Variants in FCHSD2 observed in about 807,000 individuals in gnomAD.
The protein encoded by FCHSD2 is FCH and double SH3 domains 2, also known as F-BAR and double SH3 domains protein 2.
FCHSD2 carries 38 observed loss-of-function variants against 108.1 expected under a neutral mutation model. That is an observed-to-expected ratio of 0.35 (90% CI 0.27 to 0.46). The LOEUF is 0.46. FCHSD2 is among the 20% of genes least tolerant of loss of function. The probability of loss-of-function intolerance (pLI) is 1.00; values close to 1 mark genes in which losing one functional copy is unlikely to be tolerated. For missense variants in FCHSD2, 751 were observed against 897.8 expected (o/e 0.84, Z 2.09); for synonymous variants, 279 against 314.7 (o/e 0.89, Z 1.20).
chr11:73,018,533 T>G (rs1858024447), intron 3 of FCHSD2, among the ~76,000 whole-genome samples: 5 of 147,598 alleles, frequency 3.4e-5, no homozygotes, highest in Admixed American at 3.4e-4. Flanking sequence ...TTTTTTTTTT[T>G]AATCATTATA....
chr11:72,991,001 CAG>C (rs922202804), intron 5 of FCHSD2, among the ~76,000 whole-genome samples: 32 of 152,126 alleles, frequency 2.1e-4, no homozygotes, highest in African/African-American at 7.2e-4. Context: ...AAGAATCAAA[CAG>C]ACGCAATAAA....
At chr11:73,036,942 G>A (rs546525271) in intron 3 of FCHSD2, among the ~76,000 whole-genome samples, 5 of 152,232 alleles carry the variant, frequency 3.3e-5, no homozygotes, top group South Asian at 2.1e-4. Context: ...CTGTTAACGC[G>A]GATCTGTAAT....
chr11:72,860,254 G>T (rs1861534725), intron 13 of FCHSD2, among the ~76,000 whole-genome samples: 1 of 152,146 alleles, frequency 6.6e-6, no homozygotes, highest in Non-Finnish European at 1.5e-5. Flanking sequence ...CAGTCTAGAA[G>T]ACTAGAACAA....
intron 3 of FCHSD2, among the ~76,000 whole-genome samples, chr11:73,016,520 C>A (rs1426853838): frequency 1.3e-5 from 2 of 152,152 alleles, no homozygotes; most frequent in African/African-American, 4.8e-5. Context: ...TAAAAACAAA[C>A]CACCTCTGGC....
At chr11:73,135,921 TG>T (rs1278265129) in intron 2 of FCHSD2, among the ~76,000 whole-genome samples, 2 of 152,092 alleles carry the variant, frequency 1.3e-5, no homozygotes, top group Non-Finnish European at 2.9e-5. Flanking sequence ...CCCAGCACTT[TG>T]GGAGGCTGAG....
At chr11:73,055,717 AACAG>A (rs1261381482) in intron 3 of FCHSD2, among the ~76,000 whole-genome samples, 3 of 152,216 alleles carry the variant, frequency 2.0e-5, no homozygotes, top group African/African-American at 7.2e-5. Context: ...CCATTATTTA[AACAG>A]ACAATCTGTA....
rs1314513369 is a variant in FCHSD2 at position 73,029,217 on chromosome 11, G to C, written c.166-13332C>G. ...ACAGCTATGTAGGAAACAACTTTGG[G>C]GGAAAACAAAAGATACGGAAACCAC... is the stretch of plus-strand genomic sequence containing the variant. On this transcript the variant is annotated intron_variant, in intron 3 of 19. Coordinates refer to ENST00000409418, the MANE Select transcript of FCHSD2 (RefSeq NM_014824.3). Among the ~76,000 whole-genome samples the C allele has an allele frequency of 3.9e-4, 59 of 152,200 alleles. 2 individuals are homozygous for C. Among genetic ancestry groups the C allele is most frequent in the Admixed American group, 3.4e-3 (52 of 15,278 alleles).
intron 8 of FCHSD2, among the ~76,000 whole-genome samples, chr11:72,940,069 T>C (rs1216722641): frequency 6.6e-6 from 1 of 152,172 alleles, no homozygotes; most frequent in Non-Finnish European, 1.5e-5. Context: ...CAAATCAAAA[T>C]TGAAAAGGCA....
At chr11:72,873,260 T>C (rs1347525029) in intron 12 of FCHSD2, among the ~76,000 whole-genome samples, 1 of 150,248 alleles carries the variant, frequency 6.7e-6, no homozygotes, top group Non-Finnish European at 1.5e-5. Flanking sequence ...ACCTGGGAGG[T>C]GGAGGCTGCA....
At chr11:73,042,571 T>C (rs1048342033) in intron 3 of FCHSD2, among the ~76,000 whole-genome samples, 5 of 152,204 alleles carry the variant, frequency 3.3e-5, no homozygotes, top group African/African-American at 1.2e-4. Flanking sequence ...ATTTTTAGAA[T>C]TGTTTTTTCT....
At chr11:72,893,195 T>C (rs375373670) in intron 10 of FCHSD2, among the ~76,000 whole-genome samples, 26 of 151,706 alleles carry the variant, frequency 1.7e-4, no homozygotes, top group African/African-American at 5.3e-4. Context: ...GAGATGGGGG[T>C]TTTGCTATGT....
chr11:72,980,710 ATATATATGTATGTG>A (rs1248832013), intron 8 of FCHSD2, among the ~76,000 whole-genome samples: 2 of 149,472 alleles, frequency 1.3e-5, no homozygotes, highest in East Asian at 1.9e-4. Context: ...GTATGTATGT[ATATATATGTATGTG>A]TATATATATG....
At chr11:73,020,746 GAAAT>G (rs1409877070) in intron 3 of FCHSD2, among the ~76,000 whole-genome samples, 9 of 151,566 alleles carry the variant, frequency 5.9e-5, no homozygotes, top group African/African-American at 9.7e-5. Context: ...ATGACGAAAT[GAAAT>G]ATTAATCTCA....
At chr11:72,980,696 T>TATAA (rs1491279043) in intron 8 of FCHSD2, among the ~76,000 whole-genome samples, 22 of 140,752 alleles carry the variant, frequency 1.6e-4, no homozygotes, top group African/African-American at 5.2e-4. Flanking sequence ...TATATATATA[T>TATAA]AATGTATGTA....
chr11:73,136,417 G>A (rs73536825), intron 2 of FCHSD2, among the ~76,000 whole-genome samples: 6,595 of 151,836 alleles, frequency 0.043, 487 homozygotes, highest in African/African-American at 0.15. Flanking sequence ...AAAATTAGCC[G>A]CGCACCTGGA....
At chr11:73,016,159 C>T (rs964519589) in intron 3 of FCHSD2, among the ~76,000 whole-genome samples, 5 of 151,842 alleles carry the variant, frequency 3.3e-5, no homozygotes, top group Non-Finnish European at 7.4e-5. Flanking sequence ...AAAAATTAGC[C>T]GGGTGTGGTA....
intron 3 of FCHSD2, among the ~76,000 whole-genome samples, chr11:73,072,844 A>C (rs1241751257): frequency 6.6e-6 from 1 of 152,152 alleles, no homozygotes; most frequent in Non-Finnish European, 1.5e-5. Flanking sequence ...CATAACACTA[A>C]CTTCTTGTAT....
Position 72,872,210 on chromosome 11 carries a change from CT to C in FCHSD2, c.1147-4185del, listed in dbSNP as rs752685861. 1.1e-4 allele frequency among the ~76,000 whole-genome samples: 16 copies of C among 150,726 alleles called. No individual in the cohort carries two copies. In the East Asian group the frequency reaches 2.9e-3, roughly 28 times the overall value. ...AATCTGCTTATTCTTTTCATAATTT[CT>C]TTTTTTGGTAAAACTTTATTGACAT... On this transcript the variant is annotated intron_variant, in intron 12 of 19. Coordinates refer to ENST00000409418, the MANE Select transcript of FCHSD2 (RefSeq NM_014824.3).
chr11:73,141,495 G>T (rs1394680106), intron 1 of FCHSD2, among the ~76,000 whole-genome samples: 1 of 152,208 alleles, frequency 6.6e-6, no homozygotes, highest in Non-Finnish European at 1.5e-5. Flanking sequence ...AATCACACAC[G>T]CACAAGGCTC....
Sources: gnomAD v4.1 joint callset for allele counts (sites outside exome capture counted in the v4.1 genomes callset) on GRCh38, gnomAD v4.1.1 for gene constraint, MANE v1.5 for transcripts, NCBI Gene and HGNC (gene_info 2026-07-23, HGNC 2026-07-21) for gene names.